NEDD4L: variants seen among roughly 807,000 people sequenced by gnomAD.
NEDD4L encodes E3 ubiquitin-protein ligase NEDD4-like.
In NEDD4L, 54 loss-of-function variants were observed where a neutral mutation model predicts 148.9. The ratio of observed to expected loss-of-function variants is 0.36; its 90% confidence interval spans 0.29 to 0.45. The LOEUF (loss-of-function observed/expected upper bound fraction) is 0.45. Among genes scored for constraint, NEDD4L ranks in the 20% least tolerant of loss-of-function variants. NEDD4L has a pLI of 1.00. For synonymous variants in NEDD4L, 433 were observed against 440.7 expected (o/e 0.98, Z 0.22); for missense variants, 856 against 1,233.8 (o/e 0.69, Z 4.59).
chr18:58,211,115 T>C (rs1174078879), intron 2 of NEDD4L, among the ~76,000 whole-genome samples: 2 of 152,196 alleles, frequency 1.3e-5, no homozygotes. Context: ...GCCATATATG[T>C]GTACACAAAC....
intron 1 of NEDD4L, chr18:58,046,748 G>A (rs2081603197): frequency 2.0e-5 from 3 of 152,196 alleles, no homozygotes; most frequent in African/African-American, 7.2e-5. Context: ...GTTGCTAGAA[G>A]GGAATTTGGG....
intron 29 of NEDD4L, among the ~76,000 whole-genome samples, chr18:58,391,036 G>A (rs1005281721): frequency 1.3e-5 from 2 of 150,600 alleles, no homozygotes; most frequent in African/African-American, 4.9e-5. Flanking sequence ...ACTAGGTTTT[G>A]TAGGGTCATT....
At chr18:58,046,371 C>G (rs2144365361) in intron 1 of NEDD4L, 1 of 134,304 alleles carries the variant, frequency 7.4e-6, no homozygotes, top group Non-Finnish European at 1.5e-5. Flanking sequence ...GCAGACATTC[C>G]TAAACAAAGG....
chr18:58,142,199 A>G (rs1444383900), intron 1 of NEDD4L, among the ~76,000 whole-genome samples: 4 of 130,776 alleles, frequency 3.1e-5, no homozygotes, highest in Non-Finnish European at 6.5e-5. Context: ...GGCACCCGCC[A>G]CCACGCCCGG....
Position 58,361,982 on chromosome 18 carries a change from A to G in NEDD4L, c.1768-2286A>G, listed in dbSNP as rs187812791. ...TGGAAAGTTTTCAGGAAGAGAATGT[A>G]AAAACTTGCTCTTCTTATTCTATCA... On this transcript the variant is annotated intron_variant, in intron 19 of 30. Transcript: ENST00000400345. Among the ~76,000 whole-genome samples the G allele has an allele frequency of 8.1e-4, 124 of 152,362 alleles. No individual in the cohort carries two copies. The Middle Eastern group carries it at 0.01, about 13-fold the overall frequency.
At chr18:58,351,138 TTATC>T (rs2043831427) in intron 18 of NEDD4L, 93 bp downstream of exon 18, 1 of 1,538,154 alleles carries the variant, frequency 6.5e-7, no homozygotes, top group Non-Finnish European at 8.8e-7. Context: ...ATTTTACTCT[TTATC>T]TAGGCAGCCA....
intron 1 of NEDD4L, among the ~76,000 whole-genome samples, chr18:58,066,386 AGTTTTTT>A (rs1172026098): frequency 7.6e-3 from 291 of 38,426 alleles, no homozygotes; most frequent in African/African-American, 0.021. Flanking sequence ...ACTCTGTATT[AGTTTTTT>A]TTTTTTTTTT....
intron 3 of NEDD4L, among the ~76,000 whole-genome samples, chr18:58,248,661 T>G (rs1044468578): frequency 4.6e-5 from 7 of 152,166 alleles, no homozygotes; most frequent in African/African-American, 1.7e-4. Context: ...GCCTTTGATG[T>G]TTTTCCTTCT....
At chr18:58,213,220 AC>A (rs2042788308) in intron 2 of NEDD4L, among the ~76,000 whole-genome samples, 1 of 152,206 alleles carries the variant, frequency 6.6e-6, no homozygotes, top group Non-Finnish European at 1.5e-5. Context: ...CTTCTAAGCA[AC>A]CTTTGTCCTC....
intron 2 of NEDD4L, among the ~76,000 whole-genome samples, chr18:58,225,047 C>T (rs1290101461): frequency 6.6e-6 from 1 of 151,708 alleles, no homozygotes; most frequent in Admixed American, 6.6e-5. Flanking sequence ...GTGTGTATGG[C>T]AGAGGAATGC....
intron 1 of NEDD4L, among the ~76,000 whole-genome samples, chr18:58,060,255 A>G (rs571776308): frequency 2.0e-5 from 3 of 152,238 alleles, no homozygotes; most frequent in Middle Eastern, 3.4e-3. Context: ...AGCTGGGACT[A>G]TATTGTTTGA....
chr18:58,231,378 C>T (rs914469647), intron 2 of NEDD4L, among the ~76,000 whole-genome samples: 1 of 151,676 alleles, frequency 6.6e-6, no homozygotes, highest in South Asian at 2.1e-4. Flanking sequence ...GTGCTTCATC[C>T]TGGGGAGTTG....
At chr18:58,345,910 T>A (rs2042983077) in intron 16 of NEDD4L, among the ~76,000 whole-genome samples, 1 of 97,318 alleles carries the variant, frequency 1.0e-5, no homozygotes. Context: ...CCAGCTAATT[T>A]TTGTTGTTTT....
intron 1 of NEDD4L, chr18:58,149,634 C>G: frequency 1.1e-6 from 1 of 919,064 alleles, no homozygotes; most frequent in South Asian, 1.4e-5. Flanking sequence ...CTCTCCACAT[C>G]CACCCATAGT....
chr18:58,115,104 C>T (rs892105908), intron 1 of NEDD4L, among the ~76,000 whole-genome samples: 1 of 152,160 alleles, frequency 6.6e-6, no homozygotes, highest in Non-Finnish European at 1.5e-5. Flanking sequence ...ATTCCACCTG[C>T]GGCAGTGGTA....
At chr18:58,342,859 G>A (rs774531432) in intron 15 of NEDD4L, 47 bp from the exon 16 acceptor site, 5 of 1,432,730 alleles carry the variant, frequency 3.5e-6, no homozygotes, top group Non-Finnish European at 4.6e-6. Flanking sequence ...TTGGCACATT[G>A]GAATCGCACA....
At chr18:58,101,044 G>C (rs1327887878) in intron 1 of NEDD4L, among the ~76,000 whole-genome samples, 1 of 152,166 alleles carries the variant, frequency 6.6e-6, no homozygotes, top group East Asian at 1.9e-4. Context: ...GGGCTCAAGG[G>C]ATCCTCCCTC....
chr18:58,097,518 G>A (rs956765897), intron 1 of NEDD4L, among the ~76,000 whole-genome samples: 1 of 152,212 alleles, frequency 6.6e-6, no homozygotes, highest in Admixed American at 6.5e-5. Flanking sequence ...ACTAATTATA[G>A]CACTAAGGCA....
chr18:58,135,558 T>C (rs999821984), intron 1 of NEDD4L, among the ~76,000 whole-genome samples: 15 of 152,260 alleles, frequency 9.9e-5, no homozygotes, highest in African/African-American at 2.7e-4. Flanking sequence ...CTACAAGCTA[T>C]GTGAGTGCAG....
Sources: allele counts gnomAD v4.1 joint callset (sites outside exome capture counted in the v4.1 genomes callset), GRCh38; gene constraint gnomAD v4.1.1; transcripts MANE v1.5; gene names NCBI Gene and HGNC (gene_info 2026-07-23, HGNC 2026-07-21).